SLMAP: variants seen among roughly 807,000 people sequenced by gnomAD.
SLMAP encodes the protein sarcolemma associated protein, also known as sarcolemmal membrane-associated protein.
Under a neutral mutation model 128.8 loss-of-function variants are expected in SLMAP, and 44 were observed. The observed-to-expected ratio is 0.34, with a 90% CI of 0.27 to 0.44. SLMAP has a LOEUF of 0.44. SLMAP is among the 20% of genes least tolerant of loss of function. The pLI is 1.00. For synonymous variants in SLMAP, 327 were observed against 348.8 expected (o/e 0.94, Z 0.70); for missense variants, 787 against 985.3 (o/e 0.80, Z 2.69).
intron 22 of SLMAP, among the ~76,000 whole-genome samples, chr3:57,922,295 G>A (rs2096932718): frequency 6.6e-6 from 1 of 151,826 alleles, no homozygotes; most frequent in African/African-American, 2.4e-5. Flanking sequence ...CTTTTCTCCT[G>A]TAACTCACTT....
intron 2 of SLMAP, among the ~76,000 whole-genome samples, chr3:57,758,680 T>C (rs1275887663): frequency 2.6e-5 from 4 of 152,214 alleles, no homozygotes; most frequent in African/African-American, 9.6e-5. Flanking sequence ...ACCAATTTAG[T>C]ATTTTTATGT....
At chr3:57,864,889 T>A (rs1232956049) in intron 12 of SLMAP, 32 bp downstream of exon 12, 1 of 1,512,230 alleles carries the variant, frequency 6.6e-7, no homozygotes, top group African/African-American at 1.4e-5. Flanking sequence ...TACTTAAACC[T>A]GAATTTTATC....
At chr3:57,794,238 G>A (rs1035444842) in intron 2 of SLMAP, among the ~76,000 whole-genome samples, 1 of 151,758 alleles carries the variant, frequency 6.6e-6, no homozygotes, top group South Asian at 2.1e-4. Flanking sequence ...CTGTTCGTAC[G>A]CTATACTCTC....
chr3:57,782,972 T>C (rs1425352090), intron 2 of SLMAP, among the ~76,000 whole-genome samples: 1 of 152,238 alleles, frequency 6.6e-6, no homozygotes, highest in Admixed American at 6.5e-5. Flanking sequence ...CTCCCAGAAC[T>C]GTGAGAAATA....
At chr3:57,853,359 T>C (rs2094574897) in intron 6 of SLMAP, among the ~76,000 whole-genome samples, 1 of 152,218 alleles carries the variant, frequency 6.6e-6, no homozygotes, top group African/African-American at 2.4e-5. Context: ...TTTTCCGTAG[T>C]CATTATTTAT....
chr3:57,922,663 G>A (rs909128367), intron 22 of SLMAP, among the ~76,000 whole-genome samples: 1 of 152,010 alleles, frequency 6.6e-6, no homozygotes, highest in Non-Finnish European at 1.5e-5. Context: ...TCCTGACCTC[G>A]TGATCTGCCC....
chr3:57,762,368 C>CAAAA (rs201067236), intron 2 of SLMAP, among the ~76,000 whole-genome samples: 1 of 90,058 alleles, frequency 1.1e-5, no homozygotes, highest in Non-Finnish European at 2.3e-5. Context: ...GACTCTGTCT[C>CAAAA]AAAAAAAAAA....
intron 23 of SLMAP, 53 bp downstream of exon 23, chr3:57,923,076 G>A: frequency 6.4e-7 from 1 of 1,558,040 alleles, no homozygotes; most frequent in Non-Finnish European, 8.8e-7. Flanking sequence ...ATGAGAGATT[G>A]AAATTGATTT....
At position 57,922,884 on chromosome 3, in the gene SLMAP, T is replaced by G; in HGVS notation, c.2311-5T>G. The G allele has an allele frequency of 6.2e-7, 1 of 1,611,088 alleles. No individual in the cohort carries two copies. The highest frequency in any genetic ancestry group is 1.1e-5 in the South Asian group (1 of 90,988). ...TCTGCACACTTTTTTTTTCTTTGCC[T>G]TTAGTATGAAAAGACACAGACTGTA... On this transcript the variant is annotated splice_polypyrimidine_tract_variant and splice_region_variant and intron_variant, in intron 22 of 24. Coordinates refer to ENST00000671191, the MANE Select transcript of SLMAP (RefSeq NM_001377540.1).
At chr3:57,891,074 G>C (rs1011454179) in intron 15 of SLMAP, 1 of 151,910 alleles carries the variant, frequency 6.6e-6, no homozygotes, top group Non-Finnish European at 1.5e-5. Context: ...ACTATTTTTA[G>C]TACATATGGC....
intron 6 of SLMAP, among the ~76,000 whole-genome samples, chr3:57,853,957 AT>A (rs1560252818): frequency 3.4e-4 from 13 of 38,418 alleles, no homozygotes; most frequent in African/African-American, 8.1e-4. Context: ...AAAAAAAATT[AT>A]ATATATATAT....
intron 2 of SLMAP, among the ~76,000 whole-genome samples, chr3:57,809,879 G>GT (rs1167699984): frequency 6.6e-6 from 1 of 152,166 alleles, no homozygotes; most frequent in Non-Finnish European, 1.5e-5. Flanking sequence ...CCCTCCACTT[G>GT]TCTTCCTACC....
At chr3:57,770,322 A>G (rs147606257) in intron 2 of SLMAP, among the ~76,000 whole-genome samples, 2 of 152,354 alleles carry the variant, frequency 1.3e-5, no homozygotes, top group African/African-American at 2.4e-5. Context: ...GGAGCAAAGA[A>G]GAGAGCTTCA....
chr3:57,862,128 C>A, intron 10 of SLMAP, 42 bp downstream of exon 10: 1 of 1,469,822 alleles, frequency 6.8e-7, no homozygotes, highest in Non-Finnish European at 9.4e-7. Context: ...AGCTAATAAT[C>A]CCTAACACAC....
At chr3:57,855,972 G>A (rs529821561) in intron 6 of SLMAP, among the ~76,000 whole-genome samples, 2 of 152,034 alleles carry the variant, frequency 1.3e-5, no homozygotes, top group Non-Finnish European at 2.9e-5. Context: ...GAACCCAAGA[G>A]GCGGAGGTTG....
chr3:57,838,969 GT>G (rs1335457739), intron 3 of SLMAP, among the ~76,000 whole-genome samples: 1 of 152,028 alleles, frequency 6.6e-6, no homozygotes, highest in African/African-American at 2.4e-5. Flanking sequence ...TTGTTTGTTT[GT>G]TTGTGTTTTT....
At chr3:57,885,927 G>A (rs532156257) in intron 14 of SLMAP, among the ~76,000 whole-genome samples, 167 of 149,988 alleles carry the variant, frequency 1.1e-3, no homozygotes, top group Non-Finnish European at 2.0e-3. Flanking sequence ...GGGATTACAG[G>A]CGTGCATCAC....
intron 15 of SLMAP, among the ~76,000 whole-genome samples, chr3:57,895,797 A>G (rs768477575): frequency 6.6e-6 from 1 of 151,940 alleles, no homozygotes; most frequent in African/African-American, 2.4e-5. Context: ...TAAAAAAGAT[A>G]TCTGGGTATA....
intron 2 of SLMAP, among the ~76,000 whole-genome samples, chr3:57,811,586 C>G (rs1391392211): frequency 6.6e-6 from 1 of 152,152 alleles, no homozygotes; most frequent in African/African-American, 2.4e-5. Context: ...TGAGACCCTA[C>G]TTTTGGCTAT....
Sources: allele counts gnomAD v4.1 joint callset (sites outside exome capture counted in the v4.1 genomes callset), GRCh38; gene constraint gnomAD v4.1.1; transcripts MANE v1.5; gene names NCBI Gene and HGNC (gene_info 2026-07-23, HGNC 2026-07-21).